The following SUSD6 variants were observed in gnomAD, a reference collection of about 807,000 sequenced individuals.
The protein encoded by SUSD6 is sushi domain containing 6, also known as sushi domain-containing protein 6.
Under a neutral mutation model 28.4 loss-of-function variants are expected in SUSD6, and 16 were observed. The observed-to-expected ratio is 0.56, with a 90% CI of 0.38 to 0.86. The LOEUF (loss-of-function observed/expected upper bound fraction) is 0.86, where lower values mean the gene tolerates loss of function less well. Among genes scored for constraint, SUSD6 ranks in the 40% least tolerant of loss-of-function variants. The probability of loss-of-function intolerance (pLI) is 0.00; values close to 1 mark genes in which losing one functional copy is unlikely to be tolerated. For synonymous variants in SUSD6, 147 were observed against 159.6 expected (o/e 0.92, Z 0.59); for missense variants, 341 against 384.2 (o/e 0.89, Z 0.94).
intron 1 of SUSD6, among the ~76,000 whole-genome samples, chr14:69,630,258 C>T (rs768220593): frequency 2.6e-5 from 4 of 152,134 alleles, no homozygotes; most frequent in Non-Finnish European, 5.9e-5. Flanking sequence ...GCAGTCTGAA[C>T]GTTTGGCCAA....
intron 4 of SUSD6, among the ~76,000 whole-genome samples, chr14:69,708,152 C>T (rs1210406728): frequency 1.3e-5 from 2 of 152,218 alleles, no homozygotes; most frequent in Non-Finnish European, 2.9e-5. Context: ...TCCCACACTT[C>T]CCTGTTTTTT....
chr14:69,669,315 G>A (rs568662844), intron 2 of SUSD6, among the ~76,000 whole-genome samples: 3 of 152,100 alleles, frequency 2.0e-5, no homozygotes, highest in Non-Finnish European at 4.4e-5. Context: ...ACCTGCCTCG[G>A]CCTCCCAAAG....
intron 1 of SUSD6, among the ~76,000 whole-genome samples, chr14:69,630,660 CT>C (rs1408499901): frequency 6.6e-6 from 1 of 151,636 alleles, no homozygotes. Context: ...TGTTTGGACT[CT>C]TGAAGAACAC....
rs1018191401 is a variant in SUSD6, at chr14:69,699,403, C to T, written c.122-3992C>T. 3.9e-5 allele frequency among the ~76,000 whole-genome samples: 6 copies of T among 152,156 alleles called. No homozygotes were observed. The South Asian group carries it at 6.2e-4, about 16-fold the overall frequency. ...ATTTGTAGTAGAGATGGGGATTCAC[C>T]GTGTTGACCACGCTGGTCTCGAACT... On this transcript the variant is annotated intron_variant, in intron 2 of 5. Coordinates refer to ENST00000342745, the MANE Select transcript of SUSD6 (RefSeq NM_014734.4).
intron 2 of SUSD6, among the ~76,000 whole-genome samples, chr14:69,696,952 A>T (rs1464493616): frequency 6.6e-6 from 1 of 152,226 alleles, no homozygotes; most frequent in Non-Finnish European, 1.5e-5. Context: ...GACAGTATAG[A>T]CAGAGCAGTG....
rs191170374 is a variant in SUSD6, at chr14:69,703,628, G to T, written c.319+36G>T. On this transcript the variant is annotated intron_variant, in intron 3 of 5. Transcript: ENST00000342745. ...CAGATGAAAAAGGGATGCTGCTGGG[G>T]TTCTGCTTTCTGTTAACTCACAGGA... The T allele has an allele frequency of 2.8e-5, 44 of 1,592,920 alleles. No homozygotes were observed. In the East Asian group the frequency reaches 9.4e-4, roughly 34 times the overall value.
intron 2 of SUSD6, among the ~76,000 whole-genome samples, chr14:69,681,468 G>A (rs1327968278): frequency 1.3e-5 from 2 of 152,196 alleles, no homozygotes; most frequent in Admixed American, 6.5e-5. Context: ...ACATGGATGT[G>A]GAGAAAAGGG....
Position 69,612,764 on chromosome 14 carries a change from T to A in SUSD6, c.-81+936T>A, listed in dbSNP as rs534157026. On this transcript the variant is annotated intron_variant, in intron 1 of 5. Transcript: ENST00000342745. ...GTTGCTCTCGCTAACTGGGCTCCTG[T>A]GTGCTCTTCCAGAGGTGCAGTAAGA... 2.0e-5 allele frequency among the ~76,000 whole-genome samples: 3 copies of A among 152,358 alleles called. No homozygotes were observed. In the South Asian group the frequency reaches 6.2e-4, roughly 32 times the overall value.
At chr14:69,624,413 A>G (rs547617306) in intron 1 of SUSD6, among the ~76,000 whole-genome samples, 3 of 151,602 alleles carry the variant, frequency 2.0e-5, no homozygotes, top group Admixed American at 6.6e-5. Context: ...TGTATCAGCC[A>G]TATGACCTTG....
chr14:69,667,167 G>A (rs1489057801), intron 2 of SUSD6, among the ~76,000 whole-genome samples: 1 of 152,126 alleles, frequency 6.6e-6, no homozygotes, highest in African/African-American at 2.4e-5. Context: ...GTGGGTATGA[G>A]GATCAGCCTG....
chr14:69,636,015 G>A (rs1456832820), intron 1 of SUSD6, among the ~76,000 whole-genome samples: 1 of 152,232 alleles, frequency 6.6e-6, no homozygotes, highest in Non-Finnish European at 1.5e-5. Flanking sequence ...TAACCCCAGT[G>A]CCTCTTATTC....
chr14:69,661,470 C>T (rs1158524200), intron 2 of SUSD6, among the ~76,000 whole-genome samples: 1 of 152,130 alleles, frequency 6.6e-6, no homozygotes, highest in East Asian at 1.9e-4. Flanking sequence ...CCCTCCCCCA[C>T]CTGAAAGAAT....
intron 2 of SUSD6, among the ~76,000 whole-genome samples, chr14:69,691,827 G>A (rs1886156712): frequency 6.6e-6 from 1 of 152,108 alleles, no homozygotes. Context: ...ATTACCTGAG[G>A]TCAGGTGTTC....
In SUSD6 at chr14:69,628,782, G is replaced by T. The variant is rs561726775; in HGVS notation, c.-81+16954G>T. On this transcript the variant is annotated intron_variant, in intron 1 of 5. Coordinates refer to ENST00000342745, the MANE Select transcript of SUSD6 (RefSeq NM_014734.4). Reference sequence around the variant, plus strand: ...GTTGTCCAGGCTGGAGTGCAGTGGGGCTATGTAGGCTCACTGCAGCCTCCG... The same window carrying T: ...GTTGTCCAGGCTGGAGTGCAGTGGGTCTATGTAGGCTCACTGCAGCCTCCG... 5.2e-4 allele frequency among the ~76,000 whole-genome samples: 78 copies of T among 150,536 alleles called. No homozygotes were observed. In the South Asian group the frequency reaches 0.01, roughly 20 times the overall value.
chr14:69,656,998 A>G (rs1334181317), intron 1 of SUSD6, among the ~76,000 whole-genome samples: 3 of 152,214 alleles, frequency 2.0e-5, no homozygotes, highest in African/African-American at 7.2e-5. Flanking sequence ...AGTCACAATT[A>G]TTAGAGGGAA....
At chr14:69,703,660 G>T in intron 3 of SUSD6, 68 bp downstream of exon 3, 1 of 1,440,108 alleles carries the variant, frequency 6.9e-7, no homozygotes, top group Non-Finnish European at 9.7e-7. Context: ...AGGATGCAAA[G>T]CATGCTTCCT....
At chr14:69,639,311 C>G (rs1435299411) in intron 1 of SUSD6, among the ~76,000 whole-genome samples, 1 of 17,610 alleles carries the variant, frequency 5.7e-5, no homozygotes, top group African/African-American at 1.3e-4. Context: ...GAGACTCCGT[C>G]TCAAAAAAAA....
At chr14:69,703,355 A>T in intron 2 of SUSD6, 40 bp from the exon 3 acceptor site, 2 of 1,519,162 alleles carry the variant, frequency 1.3e-6, no homozygotes, top group Non-Finnish European at 1.8e-6. Flanking sequence ...CCTACTGGAT[A>T]CCTCACCACT....
Position 69,658,764 on chromosome 14 carries a change from T to C in SUSD6, c.121+51T>C, listed in dbSNP as rs958227910. 5 of 1,611,852 alleles carry C rather than the reference T, an allele frequency of 3.1e-6. No homozygotes were observed. The African/African-American group carries it at 6.7e-5, about 22-fold the overall frequency. On this transcript the variant is annotated intron_variant, in intron 2 of 5. Transcript: ENST00000342745. ...GTGGGTGGGAAAATATTTAATACCA[T>C]TGTTTCTCTCGAAGACTAGGACAGG...
Sources: gnomAD v4.1 joint callset for allele counts (sites outside exome capture counted in the v4.1 genomes callset) on GRCh38, gnomAD v4.1.1 for gene constraint, MANE v1.5 for transcripts, NCBI Gene and HGNC (gene_info 2026-07-23, HGNC 2026-07-21) for gene names.